Variants in PCDHA4 observed in about 807,000 individuals in gnomAD.
PCDHA4 encodes protocadherin alpha 4, also known as protocadherin alpha-4.
PCDHA4 carries 49 observed loss-of-function variants against 61.4 expected under a neutral mutation model. The observed-to-expected ratio is 0.80, with a 90% CI of 0.63 to 1.01. The LOEUF (loss-of-function observed/expected upper bound fraction) is 1.01, where lower values mean the gene tolerates loss of function less well. Among genes scored for constraint, PCDHA4 ranks in the 50% least tolerant of loss-of-function variants. PCDHA4 has a pLI of 0.00. For synonymous variants in PCDHA4, 590 were observed against 550.3 expected (o/e 1.07, Z -1.01); for missense variants, 1,254 against 1,235.8 (o/e 1.01, Z -0.22).
intron 1 of PCDHA4, among the ~76,000 whole-genome samples, chr5:140,918,552 A>G (rs1554198667): frequency 6.6e-6 from 1 of 152,206 alleles, no homozygotes; most frequent in Admixed American, 6.5e-5. Context: ...TGTGCAATTG[A>G]GAAGAATGTA....
At chr5:140,831,334 C>G (rs188335072) in intron 1 of PCDHA4, 4 of 150,940 alleles carry the variant, frequency 2.7e-5, no homozygotes, top group African/African-American at 9.8e-5. Context: ...TGTTTCTACA[C>G]AGTAATTTAA....
At chr5:140,965,607 T>C (rs2095916367) in intron 1 of PCDHA4, among the ~76,000 whole-genome samples, 1 of 152,088 alleles carries the variant, frequency 6.6e-6, no homozygotes, top group Non-Finnish European at 1.5e-5. Flanking sequence ...CTTGAAGACA[T>C]TGTCATCCAT....
rs140680694 is a variant in PCDHA4, at chr5:140,925,580, G to A, written c.2386-53369G>A. 5.4e-3 allele frequency among the ~76,000 whole-genome samples: 819 copies of A among 151,688 alleles called. 10 individuals carry two copies. The highest frequency in any genetic ancestry group is 0.019 in the African/African-American group (777 of 41,364). On this transcript the variant is annotated intron_variant, in intron 1 of 3. Transcript: ENST00000530339. ...GTTAATGGGTGCAGCACACCAACATGGCGCATGTATACATATGTAACAAAC... is the reference window on the plus strand; with the variant it reads ...GTTAATGGGTGCAGCACACCAACATAGCGCATGTATACATATGTAACAAAC...
At chr5:140,994,631 G>A (rs978359081) in intron 3 of PCDHA4, among the ~76,000 whole-genome samples, 1 of 152,106 alleles carries the variant, frequency 6.6e-6, no homozygotes, top group Non-Finnish European at 1.5e-5. Flanking sequence ...CTTGAACCTG[G>A]AAGGTGGAGG....
chr5:140,854,193 C>T (rs989719684), intron 1 of PCDHA4: 2 of 563,742 alleles, frequency 3.5e-6, no homozygotes, highest in African/African-American at 2.1e-5. Flanking sequence ...TTTAACTACT[C>T]CCTACTTTTT....
In PCDHA4 at chr5:140,850,602, G is replaced by T. The variant is rs146973370; in HGVS notation, c.2385+41030G>T. ...GGATGTCAACGTGTACCTGATCATC[G>T]CCATCTGCGCGGTGTCTAGCCTGTT... On this transcript the variant is annotated intron_variant, in intron 1 of 3. Coordinates refer to ENST00000530339, the MANE Select transcript of PCDHA4 (RefSeq NM_018907.4). 1.5e-4 allele frequency: 240 copies of T among 1,598,420 alleles called. 25 individuals carry two copies. The highest frequency in any genetic ancestry group is 1.8e-4 in the Non-Finnish European group (209 of 1,167,886).
At chr5:140,979,820 T>A (rs937223402) in intron 2 of PCDHA4, among the ~76,000 whole-genome samples, 19 of 152,198 alleles carry the variant, frequency 1.2e-4, no homozygotes, top group African/African-American at 4.6e-4. Context: ...AGGATTTAAT[T>A]TTAAAGAAGA....
chr5:140,857,959 T>G, intron 1 of PCDHA4: 1 of 1,597,228 alleles, frequency 6.3e-7, no homozygotes, highest in Non-Finnish European at 8.6e-7. Context: ...GCGCTCTGGA[T>G]GAGACTGACT....
chr5:140,877,303 T>G, intron 1 of PCDHA4: 1 of 1,613,850 alleles, frequency 6.2e-7, no homozygotes, highest in South Asian at 1.1e-5. Flanking sequence ...GTCCTACGAG[T>G]TGCAACCGGC....
At chr5:140,969,439 T>C (rs1554231802) in intron 1 of PCDHA4, 2 of 1,546,634 alleles carry the variant, frequency 1.3e-6, no homozygotes, top group Admixed American at 3.9e-5. Context: ...AAGAGTTATC[T>C]GGTAAACTGA....
rs781938191 is a variant in PCDHA4 at position 140,871,499 on chromosome 5, GT to G, written c.2385+61931del. 14 of 1,584,318 alleles carry G rather than the reference GT, an allele frequency of 8.8e-6. No individual in the cohort carries two copies. In the East Asian group the frequency reaches 2.7e-4, roughly 31 times the overall value. On this transcript the variant is annotated intron_variant, in intron 1 of 3. Coordinates refer to ENST00000530339, the MANE Select transcript of PCDHA4 (RefSeq NM_018907.4). ...GGGTCAAATCACCCCGGACAGGTGAGTTTTCTACAGATTCCACCTATCAGGA... is the reference window on the plus strand; with the variant it reads ...GGGTCAAATCACCCCGGACAGGTGAGTTTCTACAGATTCCACCTATCAGGA...
At position 140,867,338 on chromosome 5, in the gene PCDHA4, A is replaced by C. The variant is rs535853406; in HGVS notation, c.2385+57766A>C. The stretch of plus-strand genomic sequence containing the variant: ...TGGTCTAATGTTATGTTTTGATTAG[A>C]GGCTACTATGATTGATTATTTTACA... On this transcript the variant is annotated intron_variant, in intron 1 of 3. Transcript: ENST00000530339. 3.3e-5 allele frequency: 5 copies of C among 152,270 alleles called. No individual in the cohort carries two copies. In the East Asian group the frequency reaches 5.8e-4, roughly 18 times the overall value. The allele number at this position is 152,270 out of a possible 1,614,324, so 9.4% of individuals were successfully genotyped here.
chr5:140,897,446 T>G (rs2066114237), intron 1 of PCDHA4, among the ~76,000 whole-genome samples: 1 of 151,576 alleles, frequency 6.6e-6, no homozygotes, highest in South Asian at 2.1e-4. Context: ...GTGTTTGGTT[T>G]TTTGTCCTTG....
intron 3 of PCDHA4, among the ~76,000 whole-genome samples, chr5:140,987,107 G>A (rs936936352): frequency 6.6e-6 from 1 of 151,876 alleles, no homozygotes; most frequent in Non-Finnish European, 1.5e-5. Flanking sequence ...CCAGCTACTC[G>A]GGAGGCTGAG....
intron 3 of PCDHA4, among the ~76,000 whole-genome samples, chr5:140,993,560 A>G (rs2097572904): frequency 6.6e-6 from 1 of 151,740 alleles, no homozygotes; most frequent in Non-Finnish European, 1.5e-5. Context: ...AGTATATAGT[A>G]TCCTTTCTAG....
At chr5:140,835,513 G>A in intron 1 of PCDHA4, 1 of 1,613,936 alleles carries the variant, frequency 6.2e-7, no homozygotes, top group Non-Finnish European at 8.5e-7. Context: ...GTGTTTGACC[G>A]AGATTTTGGA....
intron 1 of PCDHA4, chr5:140,967,224 A>G (rs2096116008): frequency 6.2e-7 from 1 of 1,613,708 alleles, no homozygotes; most frequent in Non-Finnish European, 8.5e-7. Flanking sequence ...CGGCCCAACT[A>G]CCAGCTTCAG....
intron 1 of PCDHA4, chr5:140,836,636 C>A (rs2150266431): frequency 5.6e-6 from 9 of 1,613,404 alleles, no homozygotes; most frequent in Admixed American, 3.3e-5. Context: ...GGTCATTCTC[C>A]CAGCAGAGGC....
chr5:140,843,489 G>T lies in PCDHA4; in HGVS notation c.2385+33917G>T, dbSNP rs2150361158. On this transcript the variant is annotated intron_variant, in intron 1 of 3. Transcript: ENST00000530339. ...CTGCTGCTGTACACTGCGCTGCGGT[G>T]CTCAGCACTGCCCACTGAGGGCGGG... The T allele has an allele frequency of 1.3e-6, 2 of 1,596,080 alleles. No homozygotes were observed. The highest frequency in any genetic ancestry group is 1.7e-6 in the Non-Finnish European group (2 of 1,165,638).
Sources: allele counts gnomAD v4.1 joint callset (sites outside exome capture counted in the v4.1 genomes callset), GRCh38; gene constraint gnomAD v4.1.1; transcripts MANE v1.5; gene names NCBI Gene and HGNC (gene_info 2026-07-23, HGNC 2026-07-21).